Variants in COL4A6 observed in about 807,000 individuals in gnomAD.
The protein encoded by COL4A6 is collagen alpha-6(IV) chain.
A neutral mutation model predicts 126.7 loss-of-function variants in COL4A6; 59 were observed. The ratio of observed to expected loss-of-function variants is 0.47; its 90% CI spans 0.38 to 0.58. The LOEUF (loss-of-function observed/expected upper bound fraction) is 0.58. Ranked by LOEUF, COL4A6 falls within the 20% of genes least tolerant of loss-of-function variation. COL4A6 has a pLI of 0.00. For missense variants in COL4A6, 1,285 were observed against 1,337.3 expected (o/e 0.96, Z 0.61); for synonymous variants, 547 against 496.6 (o/e 1.10, Z -1.35).
chrX:108,206,403 G>T, intron 9 of COL4A6, 115 bp downstream of exon 9: 2 of 705,610 alleles, frequency 2.8e-6, no homozygotes, highest in Non-Finnish European at 4.6e-6. Flanking sequence ...AATGGAGGTT[G>T]CCCTTGCTCA....
At chrX:108,267,779 CA>C (rs2037349527) in intron 3 of COL4A6, 1 of 112,554 alleles carries the variant, frequency 8.9e-6, no homozygotes, top group African/African-American at 3.2e-5. Context: ...GACTCTTTTT[CA>C]CGTAAGTTAC....
intron 2 of COL4A6, among the ~76,000 whole-genome samples, chrX:108,416,247 CATTTGCAAAATGGAATAATAATATT>C (rs2148255984): frequency 9.0e-6 from 1 of 111,706 alleles, no homozygotes; most frequent in East Asian, 2.8e-4. Flanking sequence ...TCAGGTTTCT[CATTTGCAAAATGGAATAATAATATT>C]ATTTATAGCA....
chrX:108,395,673 G>A (rs1448274295), intron 2 of COL4A6, among the ~76,000 whole-genome samples: 1 of 111,792 alleles, frequency 8.9e-6, no homozygotes, highest in Admixed American at 9.5e-5. Flanking sequence ...TGCCTTTACA[G>A]TTTGCATGGC....
At position 108,187,837 on chromosome X, in the gene COL4A6, G is replaced by A. The variant is rs759829505; in HGVS notation, c.1767+11C>T. Reference sequence around the variant, plus strand: ...TCTGTAGAGCTAATCACCTAGGAACGATCAACTTACCGGAAGGCCTGGCAG... The same window carrying A: ...TCTGTAGAGCTAATCACCTAGGAACAATCAACTTACCGGAAGGCCTGGCAG... On this transcript the variant is annotated intron_variant, in intron 22 of 44. Transcript: ENST00000334504. 16 of 1,196,415 alleles carry A rather than the reference G, an allele frequency of 1.3e-5. No individual in the cohort carries two copies. The highest frequency in any genetic ancestry group is 2.2e-5 in the Admixed American group (1 of 45,362).
chrX:108,402,437 A>G (rs1244845005), intron 2 of COL4A6, among the ~76,000 whole-genome samples: 2 of 110,819 alleles, frequency 1.8e-5, no homozygotes, highest in Non-Finnish European at 3.8e-5. Context: ...TTTTCAGAAA[A>G]CCAACTTTGA....
At chrX:108,296,296 TCTC>T (rs2147862704) in intron 3 of COL4A6, among the ~76,000 whole-genome samples, 1 of 112,206 alleles carries the variant, frequency 8.9e-6, no homozygotes, top group Non-Finnish European at 1.9e-5. Context: ...CAGGCCCACT[TCTC>T]CTCCATACCT....
intron 2 of COL4A6, among the ~76,000 whole-genome samples, chrX:108,337,694 A>G (rs769937489): frequency 8.9e-6 from 1 of 112,657 alleles, no homozygotes; most frequent in Non-Finnish European, 1.9e-5. Context: ...AATAATAGTA[A>G]GTAACCTTGT....
intron 9 of COL4A6, 63 bp downstream of exon 9, chrX:108,206,455 A>G (rs1226672689): frequency 9.3e-7 from 1 of 1,080,968 alleles, no homozygotes; most frequent in Non-Finnish European, 1.3e-6. Context: ...TTGAATCCAT[A>G]GTATGTAGGG....
In COL4A6 at chrX:108,165,473, G is replaced by A. The variant is rs762224045; in HGVS notation, c.3705C>T (p.Leu1235=). 3 of 1,172,530 alleles carry A rather than the reference G, an allele frequency of 2.6e-6. No individual in the cohort carries two copies. Among genetic ancestry groups the A allele is most frequent in the Non-Finnish European group, 3.4e-6 (3 of 877,310 alleles). Residue 1235 remains leucine (L), a synonymous_variant, in exon 38 of 45, where the codon CTC becomes CTT. Transcript: ENST00000334504. ...GQKGDRGFPG[L]QGPAGLPGAP... is the part of the protein sequence containing the mutation. The stretch of plus-strand genomic sequence containing the variant: ...CACCGGGGAGACCAGCAGGGCCCTG[G>A]AGACCTGGGAAACCTGTAAAGAATA...
intron 2 of COL4A6, among the ~76,000 whole-genome samples, chrX:108,372,165 G>A (rs1379549442): frequency 2.7e-5 from 3 of 111,210 alleles, no homozygotes; most frequent in African/African-American, 9.8e-5. Context: ...CAACATCAAA[G>A]AATGGCCCCT....
At chrX:108,180,673 G>A (rs761386830) in intron 24 of COL4A6, 51 bp from the exon 25 acceptor site, 17 of 1,000,418 alleles carry the variant, frequency 1.7e-5, no homozygotes, top group Non-Finnish European at 2.3e-5. Flanking sequence ...GGTGTGCTAG[G>A]TATGATTTGT....
At chrX:108,357,297 C>T (rs1361850259) in intron 2 of COL4A6, among the ~76,000 whole-genome samples, 1 of 111,376 alleles carries the variant, frequency 9.0e-6, no homozygotes. Context: ...ATTCCCCAAA[C>T]CTGTTACTGA....
intron 5 of COL4A6, among the ~76,000 whole-genome samples, chrX:108,219,453 C>G (rs1288298209): frequency 9.0e-6 from 1 of 111,709 alleles, no homozygotes; most frequent in Non-Finnish European, 1.9e-5. Flanking sequence ...CTCATGTTGG[C>G]TAAGATATTG....
At chrX:108,297,817 G>A (rs2038366268) in intron 3 of COL4A6, among the ~76,000 whole-genome samples, 1 of 110,275 alleles carries the variant, frequency 9.1e-6, no homozygotes, top group African/African-American at 3.3e-5. Flanking sequence ...TAGTGTTCCT[G>A]CTCACAAGTT....
intron 2 of COL4A6, among the ~76,000 whole-genome samples, chrX:108,345,901 T>A (rs2039693744): frequency 9.0e-6 from 1 of 111,688 alleles, no homozygotes; most frequent in Non-Finnish European, 1.9e-5. Context: ...ATAAATTAAA[T>A]CAGACTCTCT....
At chrX:108,342,198 C>T (rs945787702) in intron 2 of COL4A6, among the ~76,000 whole-genome samples, 1 of 111,945 alleles carries the variant, frequency 8.9e-6, no homozygotes, top group African/African-American at 3.2e-5. Flanking sequence ...ATTATGCAAC[C>T]AACTCCCCTT....
chrX:108,225,592 AC>A (rs2036147072), intron 3 of COL4A6, among the ~76,000 whole-genome samples: 1 of 112,845 alleles, frequency 8.9e-6, no homozygotes, highest in African/African-American at 3.2e-5. Context: ...CCTCCTGCCA[AC>A]CACAGTGAGT....
intron 2 of COL4A6, among the ~76,000 whole-genome samples, chrX:108,374,439 A>AT (rs2040395055): frequency 8.9e-6 from 1 of 112,239 alleles, no homozygotes; most frequent in African/African-American, 3.2e-5. Context: ...TATTTAACAC[A>AT]TTTTTTAATG....
chrX:108,350,390 C>A (rs2039811280), intron 2 of COL4A6, among the ~76,000 whole-genome samples: 1 of 111,237 alleles, frequency 9.0e-6, no homozygotes, highest in African/African-American at 3.3e-5. Context: ...GCATTATCAT[C>A]ATCACCTAGA....
Sources: allele counts gnomAD v4.1 joint callset (sites outside exome capture counted in the v4.1 genomes callset), GRCh38; gene constraint gnomAD v4.1.1; transcripts MANE v1.5; gene names NCBI Gene and HGNC (gene_info 2026-07-23, HGNC 2026-07-21).